The following SLCO3A1 variants were observed in gnomAD, a reference collection of about 807,000 sequenced individuals.
The protein encoded by SLCO3A1 is PGE1 transporter.
Under a neutral mutation model 63.1 loss-of-function variants are expected in SLCO3A1, and 27 were observed. That is an observed-to-expected ratio of 0.43 (90% CI 0.32 to 0.59). The LOEUF is 0.59. Among genes scored for constraint, SLCO3A1 ranks in the 20% least tolerant of loss-of-function variants. The pLI, the probability that SLCO3A1 is intolerant of heterozygous loss-of-function variation, is 0.09. For missense variants in SLCO3A1, 773 were observed against 945.8 expected (o/e 0.82, Z 2.40); for synonymous variants, 473 against 409.9 (o/e 1.15, Z -1.86).
At chr15:92,147,996 C>T (rs555471034) in intron 8 of SLCO3A1, among the ~76,000 whole-genome samples, 10 of 152,212 alleles carry the variant, frequency 6.6e-5, no homozygotes, top group South Asian at 2.1e-4. Context: ...GCTGGAGGAT[C>T]GCTTGAGCCC....
intron 9 of SLCO3A1, among the ~76,000 whole-genome samples, chr15:92,158,157 C>T (rs948128782): frequency 6.6e-6 from 1 of 152,196 alleles, no homozygotes; most frequent in African/African-American, 2.4e-5. Context: ...TCCCAGCCTT[C>T]TCTATGTATT....
rs143236956 is a variant in SLCO3A1, at chr15:92,163,662, C to T, written c.*527C>T. ...TGGGGGTGGGGGCGGGCGCACAAGT[C>T]GGAGGGGTGGAAGCACCACTCCTCT... On this transcript the variant is annotated 3_prime_UTR_variant, in exon 10 of 10. Coordinates refer to ENST00000318445, the MANE Select transcript of SLCO3A1 (RefSeq NM_013272.4). The T allele has an allele frequency of 7.9e-5, 78 of 985,202 alleles. No homozygotes were observed. The East Asian group carries it at 3.2e-3, about 40-fold the overall frequency. 61.0% of individuals were successfully genotyped at this position (985,202 alleles called of 1,614,324 possible).
chr15:91,965,938 A>C (rs2151424964), intron 2 of SLCO3A1, among the ~76,000 whole-genome samples: 1 of 152,186 alleles, frequency 6.6e-6, no homozygotes, highest in Middle Eastern at 3.4e-3. Context: ...CTCAAATAGG[A>C]GCCCTCAAGG....
intron 1 of SLCO3A1, among the ~76,000 whole-genome samples, chr15:91,866,717 G>T (rs954856977): frequency 2.6e-5 from 4 of 152,202 alleles, no homozygotes; most frequent in Admixed American, 6.5e-5. Context: ...TTTATCGTGG[G>T]GGGGGAGATG....
chr15:91,953,833 G>A (rs1049129778), intron 2 of SLCO3A1, among the ~76,000 whole-genome samples: 8 of 152,078 alleles, frequency 5.3e-5, no homozygotes, highest in East Asian at 1.9e-4. Context: ...CCGAACACCC[G>A]TCTCCATCCA....
intron 2 of SLCO3A1, among the ~76,000 whole-genome samples, chr15:91,975,599 G>C (rs1901073201): frequency 6.6e-6 from 1 of 152,164 alleles, no homozygotes; most frequent in African/African-American, 2.4e-5. Context: ...CAGGTTCTAG[G>C]GCCAGGGGGG....
At chr15:91,938,482 GTT>G (rs71156621) in intron 2 of SLCO3A1, among the ~76,000 whole-genome samples, 110 of 136,218 alleles carry the variant, frequency 8.1e-4, no homozygotes, top group Admixed American at 1.2e-3. Flanking sequence ...GGTTTTTTTT[GTT>G]TTTTTTTTTT....
chr15:92,172,138 A>C, exon 11 of SLCO3A1: 3 of 335,112 alleles, frequency 9.0e-6, no homozygotes, highest in Non-Finnish European at 1.6e-5. Flanking sequence ...ATTCCCTTCC[A>C]CCCATCCCTC....
chr15:92,072,210 T>G (rs566516139), intron 2 of SLCO3A1, among the ~76,000 whole-genome samples: 2 of 152,070 alleles, frequency 1.3e-5, no homozygotes, highest in East Asian at 1.9e-4. Context: ...TGGTTTTTTT[T>G]TTTTTTCCTC....
intron 2 of SLCO3A1, among the ~76,000 whole-genome samples, chr15:91,984,731 G>A (rs1434914546): frequency 2.0e-5 from 3 of 152,152 alleles, no homozygotes; most frequent in African/African-American, 7.2e-5. Flanking sequence ...CACTTAGAGT[G>A]ACATTTATTA....
rs2048466418 is a variant in SLCO3A1, at chr15:92,163,540, CTAAAAT to C, written c.*406_*411del. Reference sequence around the variant, plus strand: ...GAAAACATTTTTTAAAAGAAGTTTCCTAAAATAAAAAAAATTAAAAAAAAAAAACCC... The same window carrying C: ...GAAAACATTTTTTAAAAGAAGTTTCCAAAAAAAATTAAAAAAAAAAAACCC... On this transcript the variant is annotated 3_prime_UTR_variant, in exon 10 of 10. Transcript: ENST00000318445. The C allele has an allele frequency of 2.1e-6, 2 of 938,852 alleles. No homozygotes were observed. The highest frequency in any genetic ancestry group is 4.9e-5 in the African/African-American group (2 of 40,978). The allele number at this position is 938,852 out of a possible 1,614,324, so 58.2% of individuals were successfully genotyped here. A position where few individuals can be genotyped will look rare whatever the true frequency, so the allele number is the denominator to read the frequency against.
chr15:91,983,438 G>A (rs1005086283), intron 2 of SLCO3A1, among the ~76,000 whole-genome samples: 37 of 152,162 alleles, frequency 2.4e-4, no homozygotes, highest in African/African-American at 8.7e-4. Flanking sequence ...TGTTTGGCCT[G>A]ATGGAGGGTG....
intron 2 of SLCO3A1, among the ~76,000 whole-genome samples, chr15:92,008,132 C>CA (rs1303918759): frequency 1.2e-4 from 19 of 152,186 alleles, no homozygotes; most frequent in Non-Finnish European, 4.4e-5. Context: ...GACCCACTAG[C>CA]AAAACTGAAA....
At chr15:92,073,906 C>T (rs749164459) in intron 2 of SLCO3A1, among the ~76,000 whole-genome samples, 2 of 152,246 alleles carry the variant, frequency 1.3e-5, no homozygotes, top group Non-Finnish European at 2.9e-5. Flanking sequence ...CCGTGGCTCA[C>T]GCCTGTAATC....
At chr15:92,119,487 G>T (rs1596117944) in intron 4 of SLCO3A1, among the ~76,000 whole-genome samples, 1 of 152,236 alleles carries the variant, frequency 6.6e-6, no homozygotes, top group East Asian at 1.9e-4. Flanking sequence ...CTTCTTCTAG[G>T]GTAGACTGGG....
Position 92,033,854 on chromosome 15 carries a change from A to G in SLCO3A1, c.647-61027A>G, listed in dbSNP as rs2046687323. 6.6e-6 allele frequency among the ~76,000 whole-genome samples: 1 copy of G among 152,154 alleles called. No individual in the cohort carries two copies. The highest frequency in any genetic ancestry group is 2.1e-4 in the South Asian group (1 of 4,830). ...ACAAGCCGGGAGGTTATCTGGAGGAAAAACATTCCAGACAGACCAGTGAGG... is the reference window on the plus strand; with the variant it reads ...ACAAGCCGGGAGGTTATCTGGAGGAGAAACATTCCAGACAGACCAGTGAGG... On this transcript the variant is annotated intron_variant, in intron 2 of 9. Transcript: ENST00000318445. The surrounding 1 kb of genome is among the most constrained non-coding windows in gnomAD (Gnocchi z 4.5).
At chr15:91,998,007 A>G (rs932364773) in intron 2 of SLCO3A1, among the ~76,000 whole-genome samples, 1 of 152,236 alleles carries the variant, frequency 6.6e-6, no homozygotes, top group Non-Finnish European at 1.5e-5. Context: ...CAAATTAACT[A>G]AAGAGCTTCT....
At chr15:92,145,465 A>G (rs887434850) in intron 7 of SLCO3A1, among the ~76,000 whole-genome samples, 1 of 152,156 alleles carries the variant, frequency 6.6e-6, no homozygotes, top group Non-Finnish European at 1.5e-5. Context: ...GATGCTAGGG[A>G]AAGAATGCAA....
intron 2 of SLCO3A1, among the ~76,000 whole-genome samples, chr15:91,991,360 C>CA (rs112342928): frequency 0.042 from 6,101 of 146,776 alleles, 171 homozygotes; most frequent in Non-Finnish European, 0.055. Flanking sequence ...AACCATGTCT[C>CA]AAAAAAAAAA....
Sources: allele counts gnomAD v4.1 joint callset (sites outside exome capture counted in the v4.1 genomes callset), GRCh38; gene constraint gnomAD v4.1.1; non-coding constraint Gnocchi (gnomAD v3.1); transcripts MANE v1.5; gene names NCBI Gene and HGNC (gene_info 2026-07-23, HGNC 2026-07-21).